Variants in THRB observed in about 807,000 individuals in gnomAD.
THRB encodes the protein thyroid hormone receptor beta, also known as nuclear receptor subfamily 1 group A member 2.
In THRB, 12 loss-of-function variants were observed where a neutral mutation model predicts 47.8. The ratio of observed to expected loss-of-function variants is 0.25; its 90% CI spans 0.16 to 0.41. The LOEUF (loss-of-function observed/expected upper bound fraction) is 0.41, where lower values mean the gene tolerates loss of function less well. THRB is among the 10% of genes least tolerant of loss of function. THRB has a pLI of 1.00. For missense variants in THRB, 348 were observed against 589.2 expected (o/e 0.59, Z 4.24); for synonymous variants, 218 against 212.2 (o/e 1.03, Z -0.24).
chr3:24,494,571 C>G (rs1698745552), intron 1 of THRB, 81 bp downstream of exon 1: 1 of 152,102 alleles, frequency 6.6e-6, no homozygotes, highest in Non-Finnish European at 1.5e-5. Context: ...CCGCCCGCAC[C>G]CCTCCGGGTT....
chr3:24,287,089 A>C (rs2055383883), intron 3 of THRB, among the ~76,000 whole-genome samples: 1 of 152,190 alleles, frequency 6.6e-6, no homozygotes, highest in African/African-American at 2.4e-5. Flanking sequence ...GCTTTTGCAG[A>C]GTTTCAGAAT....
chr3:24,257,403 A>T (rs961194698), intron 3 of THRB, among the ~76,000 whole-genome samples: 1 of 152,194 alleles, frequency 6.6e-6, no homozygotes, highest in Non-Finnish European at 1.5e-5. Context: ...TAAATATCTT[A>T]ATTTTAGGTT....
rs1205149824 is a variant in THRB at position 24,133,597 on chromosome 3, A to C, written c.739-135T>G. On this transcript the variant is annotated intron_variant, in intron 8 of 10. Coordinates refer to ENST00000646209, the MANE Select transcript of THRB (RefSeq NM_001354712.2). ...TCCAGTTTTCACATCATTTGTTAACAAACTGTACAGTTTACACATCTTTGA... is the reference window on the plus strand; with the variant it reads ...TCCAGTTTTCACATCATTTGTTAACCAACTGTACAGTTTACACATCTTTGA... 6 of 844,706 alleles carry C rather than the reference A, an allele frequency of 7.1e-6. No individual in the cohort carries two copies. In the Admixed American group the frequency reaches 1.2e-4, roughly 17 times the overall value. The allele number at this position is 844,706 out of a possible 1,614,324, so 52.3% of individuals were successfully genotyped here.
In THRB at chr3:24,439,345, T is replaced by G. The variant is rs144977134; in HGVS notation, c.-261+55307A>C. On this transcript the variant is annotated intron_variant, in intron 1 of 10. Transcript: ENST00000646209. ...GCACTAACAGCATCTACTATAGGCT[T>G]CTTCTCACACCTACAGGAGCTGAAC... Among the ~76,000 whole-genome samples the G allele has an allele frequency of 9.9e-3, 1,501 of 152,258 alleles. 15 individuals are homozygous for G. Among genetic ancestry groups the G allele is most frequent in the Middle Eastern group, 0.017 (5 of 294 alleles).
At chr3:24,228,781 A>C (rs1576115068) in intron 4 of THRB, among the ~76,000 whole-genome samples, 157 bp downstream of exon 4, 1 of 152,284 alleles carries the variant, frequency 6.6e-6, no homozygotes, top group East Asian at 1.9e-4. Flanking sequence ...AGATGGAAGT[A>C]CATTTCTAGG....
chr3:24,322,992 A>T (rs1214036598), intron 2 of THRB, among the ~76,000 whole-genome samples: 1 of 152,060 alleles, frequency 6.6e-6, no homozygotes, highest in Non-Finnish European at 1.5e-5. Context: ...CCATAAGAGC[A>T]TTTTTCTTAT....
At chr3:24,481,914 T>C (rs931715433) in intron 1 of THRB, among the ~76,000 whole-genome samples, 2 of 151,380 alleles carry the variant, frequency 1.3e-5, no homozygotes, top group Non-Finnish European at 2.9e-5. Context: ...GAGTGCCTAT[T>C]ATTATTACCT....
At chr3:24,339,030 C>G (rs892292880) in intron 1 of THRB, among the ~76,000 whole-genome samples, 1 of 152,102 alleles carries the variant, frequency 6.6e-6, no homozygotes. Flanking sequence ...TTAACAAAGC[C>G]AGGAAGGCTT....
chr3:24,150,078 C>T (rs1369330062), intron 6 of THRB, among the ~76,000 whole-genome samples: 1 of 152,156 alleles, frequency 6.6e-6, no homozygotes, highest in Non-Finnish European at 1.5e-5. Flanking sequence ...AGCTTTGATT[C>T]TTTCTCTAAA....
intron 1 of THRB, among the ~76,000 whole-genome samples, chr3:24,447,702 T>G (rs756386799): frequency 5.3e-5 from 8 of 151,954 alleles, no homozygotes; most frequent in Non-Finnish European, 1.2e-4. Context: ...TGAGTAGACA[T>G]TAGATAATAA....
chr3:24,140,554 C>A (rs1036066508), intron 8 of THRB, among the ~76,000 whole-genome samples: 1 of 151,956 alleles, frequency 6.6e-6, no homozygotes, highest in African/African-American at 2.4e-5. Flanking sequence ...AGTAGTTGGA[C>A]CTTTATTATT....
At chr3:24,315,599 G>A (rs1372663899) in intron 2 of THRB, among the ~76,000 whole-genome samples, 1 of 152,150 alleles carries the variant, frequency 6.6e-6, no homozygotes, top group Non-Finnish European at 1.5e-5. Flanking sequence ...ATTGCAGCAG[G>A]AAGATGAGCA....
intron 2 of THRB, among the ~76,000 whole-genome samples, chr3:24,334,074 C>A (rs1028389030): frequency 3.3e-5 from 5 of 152,224 alleles, no homozygotes; most frequent in Non-Finnish European, 5.9e-5. Flanking sequence ...TTACCTTCCA[C>A]TTTACTACCT....
At chr3:24,127,376 TACTG>T in intron 10 of THRB, 119 bp downstream of exon 10, 1 of 1,058,536 alleles carries the variant, frequency 9.4e-7, no homozygotes, top group African/African-American at 1.6e-5. Flanking sequence ...TGCAATTTCT[TACTG>T]AAGAAGAGTG....
At chr3:24,275,822 G>A (rs1412425782) in intron 3 of THRB, among the ~76,000 whole-genome samples, 2 of 152,086 alleles carry the variant, frequency 1.3e-5, no homozygotes, top group Non-Finnish European at 2.9e-5. Context: ...GAAAGACTGG[G>A]CTATGCCCTT....
At chr3:24,196,166 C>A (rs762412649) in intron 4 of THRB, among the ~76,000 whole-genome samples, 2 of 152,100 alleles carry the variant, frequency 1.3e-5, no homozygotes, top group Non-Finnish European at 2.9e-5. Context: ...GAACTGGACT[C>A]AAACCCAGGT....
chr3:24,180,428 G>A (rs1331758648), intron 5 of THRB, among the ~76,000 whole-genome samples: 4 of 152,136 alleles, frequency 2.6e-5, no homozygotes, highest in African/African-American at 9.7e-5. Flanking sequence ...ATGCAGCACA[G>A]CTCTGTATTT....
chr3:24,381,891 GGTCTAGC>G (rs1244135596), intron 1 of THRB, among the ~76,000 whole-genome samples: 1 of 150,832 alleles, frequency 6.6e-6, no homozygotes, highest in Non-Finnish European at 1.5e-5. Flanking sequence ...AAAAATAGAT[GGTCTAGC>G]TAACACTTTC....
At chr3:24,250,587 G>A (rs2050566347) in intron 3 of THRB, among the ~76,000 whole-genome samples, 3 of 152,152 alleles carry the variant, frequency 2.0e-5, no homozygotes, top group African/African-American at 7.2e-5. Context: ...TATAGTCTCA[G>A]CTACAGGAGA....
Sources: gnomAD v4.1 joint callset for allele counts (sites outside exome capture counted in the v4.1 genomes callset) on GRCh38, gnomAD v4.1.1 for gene constraint, MANE v1.5 for transcripts, NCBI Gene and HGNC (gene_info 2026-07-23, HGNC 2026-07-21) for gene names.